Variants in RPRD2 observed in about 807,000 individuals in gnomAD.
The protein encoded by RPRD2 is regulation of nuclear pre-mRNA domain-containing protein 2.
A neutral mutation model predicts 104.4 loss-of-function variants in RPRD2; 12 were observed. That is an observed-to-expected ratio of 0.11 (90% CI 0.07 to 0.19). RPRD2 has a LOEUF of 0.19. RPRD2 is among the 10% of genes least tolerant of loss of function. The pLI is 1.00. For missense variants in RPRD2, 1,543 were observed against 1,790.1 expected, an observed-to-expected ratio of 0.86 and a Z score of 2.49; for synonymous variants, 714 against 684.9, an observed-to-expected ratio of 1.04 and a Z score of -0.66.
chr1:150,466,877 T>A (rs1455581429), intron 10 of RPRD2, among the ~76,000 whole-genome samples: 1 of 152,172 alleles, frequency 6.6e-6, no homozygotes, highest in African/African-American at 2.4e-5. Context: ...ATATATTCAG[T>A]GTAGTGATTT....
intron 1 of RPRD2, among the ~76,000 whole-genome samples, chr1:150,395,610 C>G (rs1222298076): frequency 6.7e-6 from 1 of 149,086 alleles, no homozygotes. Context: ...CCTCCGTGTT[C>G]AAGCAGTTCT....
At chr1:150,377,104 G>T (rs765214139) in intron 1 of RPRD2, among the ~76,000 whole-genome samples, 4 of 151,624 alleles carry the variant, frequency 2.6e-5, no homozygotes, top group South Asian at 4.2e-4. Flanking sequence ...TCAGCTACTC[G>T]GGAGGCTGAG....
At chr1:150,437,929 G>A (rs1007780635) in intron 2 of RPRD2, among the ~76,000 whole-genome samples, 2 of 144,594 alleles carry the variant, frequency 1.4e-5, no homozygotes, top group South Asian at 4.4e-4. Context: ...AACAGACTCT[G>A]TTGTCACTTC....
At chr1:150,420,170 A>G (rs1418254498) in intron 2 of RPRD2, among the ~76,000 whole-genome samples, 2 of 152,228 alleles carry the variant, frequency 1.3e-5, no homozygotes, top group Non-Finnish European at 2.9e-5. Context: ...TCACTGTAGT[A>G]TCTATAACTT....
intron 1 of RPRD2, among the ~76,000 whole-genome samples, chr1:150,388,076 C>A (rs1461906821): frequency 6.6e-6 from 1 of 151,668 alleles, no homozygotes; most frequent in Admixed American, 6.6e-5. Context: ...ACTAGCACGC[C>A]CAGCTAATTT....
chr1:150,367,803 A>G (rs1659956675), intron 1 of RPRD2, among the ~76,000 whole-genome samples: 1 of 151,524 alleles, frequency 6.6e-6, no homozygotes. Flanking sequence ...GCTCACTGCA[A>G]CCTCCACCTC....
At chr1:150,413,985 T>G (rs1313322179) in intron 1 of RPRD2, among the ~76,000 whole-genome samples, 1 of 151,564 alleles carries the variant, frequency 6.6e-6, no homozygotes, top group Non-Finnish European at 1.5e-5. Context: ...CCCAGCTATT[T>G]GGGAGGCTGA....
At chr1:150,422,174 TACAC>T (rs35584289) in intron 2 of RPRD2, among the ~76,000 whole-genome samples, 5 of 147,060 alleles carry the variant, frequency 3.4e-5, no homozygotes, top group Admixed American at 6.9e-5. Flanking sequence ...AAAACACACA[TACAC>T]ACACACACAC....
intron 2 of RPRD2, among the ~76,000 whole-genome samples, chr1:150,426,767 G>A (rs185254997): frequency 1.6e-3 from 246 of 152,304 alleles, no homozygotes; most frequent in South Asian, 4.6e-3. Context: ...CAGTTTTGCA[G>A]GATGGGAAGA....
intron 1 of RPRD2, among the ~76,000 whole-genome samples, chr1:150,388,495 G>GTGCA (rs1661808165): frequency 2.3e-5 from 2 of 86,360 alleles, no homozygotes; most frequent in African/African-American, 8.4e-5. Context: ...ATATATACCC[G>GTGCA]CGCACACACA....
intron 2 of RPRD2, among the ~76,000 whole-genome samples, chr1:150,420,945 T>G (rs1279638803): frequency 6.6e-6 from 1 of 152,190 alleles, no homozygotes; most frequent in Non-Finnish European, 1.5e-5. Context: ...CTGTAAAGGG[T>G]CGATAGTTAA....
intron 6 of RPRD2, among the ~76,000 whole-genome samples, chr1:150,444,695 G>C (rs1180679371): frequency 6.6e-6 from 1 of 152,048 alleles, no homozygotes; most frequent in Non-Finnish European, 1.5e-5. Context: ...TAGTTTCCTT[G>C]CATTGTAAAT....
intron 7 of RPRD2, among the ~76,000 whole-genome samples, chr1:150,446,941 T>A (rs587688318): frequency 4.8e-4 from 72 of 150,390 alleles, no homozygotes; most frequent in African/African-American, 1.7e-3. Context: ...GTTCAAGCGA[T>A]TCTCCTGCCT....
intron 1 of RPRD2, among the ~76,000 whole-genome samples, chr1:150,367,284 G>A (rs1389040604): frequency 1.3e-5 from 2 of 152,154 alleles, no homozygotes; most frequent in African/African-American, 4.8e-5. Context: ...GGTGTGGGGC[G>A]CAATGAAAAC....
intron 1 of RPRD2, among the ~76,000 whole-genome samples, chr1:150,402,719 C>T (rs1277947330): frequency 6.6e-6 from 1 of 152,106 alleles, no homozygotes; most frequent in Non-Finnish European, 1.5e-5. Context: ...GTAATCCCAG[C>T]ACTTTGGGAG....
chr1:150,400,126 C>T (rs1424949461), intron 1 of RPRD2, among the ~76,000 whole-genome samples: 2 of 152,132 alleles, frequency 1.3e-5, no homozygotes, highest in Non-Finnish European at 2.9e-5. Context: ...TAATCTAAGT[C>T]TTTCATGCTC....
intron 9 of RPRD2, among the ~76,000 whole-genome samples, chr1:150,462,306 G>A (rs1167656909): frequency 1.3e-5 from 2 of 151,768 alleles, no homozygotes; most frequent in African/African-American, 2.4e-5. Context: ...TTCGCCAGCT[G>A]TGGTGGCACG....
chr1:150,459,160 C>T (rs1381329106), intron 8 of RPRD2, among the ~76,000 whole-genome samples: 1 of 152,172 alleles, frequency 6.6e-6, no homozygotes, highest in Non-Finnish European at 1.5e-5. Flanking sequence ...AATTGTTTCT[C>T]TTATATCCCC....
At chr1:150,416,872 C>CAAAAAAAAAA (rs782463847) in intron 1 of RPRD2, among the ~76,000 whole-genome samples, 2 of 72,416 alleles carry the variant, frequency 2.8e-5, no homozygotes, top group African/African-American at 5.0e-5. Flanking sequence ...ACTCCATCTC[C>CAAAAAAAAAA]AAAAAAAAAA....
Sources: allele counts gnomAD v4.1 joint callset (sites outside exome capture counted in the v4.1 genomes callset), GRCh38; gene constraint gnomAD v4.1.1; transcripts MANE v1.5; gene names NCBI Gene and HGNC (gene_info 2026-07-23, HGNC 2026-07-21).